RIF1: variants seen among roughly 807,000 people sequenced by gnomAD.
RIF1 encodes replication timing regulatory factor 1, also known as telomere-associated protein RIF1.
Under a neutral mutation model 247.1 loss-of-function variants are expected in RIF1, and 45 were observed. The ratio of observed to expected loss-of-function variants is 0.18; its 90% CI spans 0.14 to 0.23. The LOEUF (loss-of-function observed/expected upper bound fraction) is 0.23. Ranked by LOEUF, RIF1 falls within the 10% of genes least tolerant of loss-of-function variation. The pLI, the probability that RIF1 is intolerant of heterozygous loss-of-function variation, is 1.00. For missense variants in RIF1, 2,967 were observed against 2,862.5 expected (o/e 1.04, Z -0.83); for synonymous variants, 1,087 against 978.8 (o/e 1.11, Z -2.06).
At position 151,459,997 on chromosome 2, in the gene RIF1, C is replaced by T; in HGVS notation, c.2956-3C>T. 19 of 1,522,358 alleles carry T rather than the reference C, an allele frequency of 1.2e-5. No homozygotes were observed. The highest frequency in any genetic ancestry group is 1.7e-5 in the Non-Finnish European group (19 of 1,130,898). The allele number at this position is 1,522,358 out of a possible 1,614,324, so 94.3% of individuals were successfully genotyped here. On this transcript the variant is annotated splice_region_variant and splice_polypyrimidine_tract_variant and intron_variant, in intron 25 of 35. Coordinates refer to ENST00000444746, the MANE Select transcript of RIF1 (RefSeq NM_018151.5). ...TGAAATTGTTTCATTTTTAATAAAACAGACAGAAAATTCACAACTAAATGT... is the reference window on the plus strand; with the variant it reads ...TGAAATTGTTTCATTTTTAATAAAATAGACAGAAAATTCACAACTAAATGT...
downstream of RIF1, among the ~76,000 whole-genome samples, chr2:151,484,499 GAC>G (rs2049381908): frequency 6.6e-6 from 1 of 152,236 alleles, no homozygotes. Flanking sequence ...AGGAGGCTGA[GAC>G]ACAAGAATCA....
intron 9 of RIF1, among the ~76,000 whole-genome samples, chr2:151,494,590 C>G (rs1574823164): frequency 6.6e-6 from 1 of 152,152 alleles, no homozygotes; most frequent in Non-Finnish European, 1.5e-5. Flanking sequence ...GAGCTTCAAT[C>G]ACACTGAGAA....
In RIF1 at chr2:151,464,400, C is replaced by G; in HGVS notation, c.4880C>G (p.Thr1627Ser). Residue 1627 changes from threonine to serine, a missense_variant, in exon 30 of 36, where the codon ACT becomes AGT. This residue lies in a region of RIF1 where 2,028 missense variants were observed against 1,825.6 expected (regional missense o/e 1.11). Transcript: ENST00000444746. The stretch of plus-strand genomic sequence containing the variant: ...TGCGAAAAACAAGATGAAAGTAATA[C>G]TGTAATATGTCAGGATTCTACAGTA... ...PICEKQDESN[T>S]VICQDSTVTS... 3 of 1,612,990 alleles carry G rather than the reference C, an allele frequency of 1.9e-6. No individual in the cohort carries two copies. Among genetic ancestry groups the G allele is most frequent in the Non-Finnish European group, 2.5e-6 (3 of 1,179,698 alleles).
chr2:151,504,492 A>G (rs1037183437), intron 12 of RIF1, among the ~76,000 whole-genome samples: 4 of 152,212 alleles, frequency 2.6e-5, no homozygotes, highest in African/African-American at 9.6e-5. Flanking sequence ...AATTTGTACC[A>G]CAAGGAAATC....
intron 8 of RIF1, among the ~76,000 whole-genome samples, chr2:151,427,867 G>A (rs1304611739): frequency 6.6e-6 from 1 of 152,056 alleles, no homozygotes; most frequent in African/African-American, 2.4e-5. Context: ...GACCAGCCTG[G>A]CCAACATGGT....
chr2:151,456,236 C>T (rs926594347), intron 22 of RIF1, among the ~76,000 whole-genome samples: 2 of 152,088 alleles, frequency 1.3e-5, no homozygotes, highest in African/African-American at 4.8e-5. Flanking sequence ...TTATAAAGTA[C>T]GATACAACCT....
At chr2:151,501,682 A>T (rs2064682448) in intron 11 of RIF1, among the ~76,000 whole-genome samples, 1 of 152,250 alleles carries the variant, frequency 6.6e-6, no homozygotes, top group Admixed American at 6.5e-5. Flanking sequence ...TCTAAAAGAC[A>T]TCAGTAAAAC....
intron 19 of RIF1, among the ~76,000 whole-genome samples, chr2:151,446,113 TCTC>T (rs1394623990): frequency 1.3e-5 from 2 of 151,918 alleles, no homozygotes; most frequent in Admixed American, 6.6e-5. Flanking sequence ...TTCAAGCAAT[TCTC>T]CTACCTCAGC....
Position 151,478,965 on chromosome 2 carries a change from A to G in RIF1, c.*3894A>G, listed in dbSNP as rs976426272. ...CCATTAGAAAGACCTTGTACTTTGTATAGAAACATTAGAGTGAGGTTTTGA... is the reference window on the plus strand; with the variant it reads ...CCATTAGAAAGACCTTGTACTTTGTGTAGAAACATTAGAGTGAGGTTTTGA... On this transcript the variant is annotated 3_prime_UTR_variant, in exon 36 of 36. Transcript: ENST00000444746. 6.6e-6 allele frequency: 1 copy of G among 152,210 alleles called. No homozygotes were observed. The highest frequency in any genetic ancestry group is 1.5e-5 in the Non-Finnish European group (1 of 68,048). 9.4% of individuals were successfully genotyped at this position (152,210 alleles called of 1,614,324 possible). A position where few individuals can be genotyped will look rare whatever the true frequency, so the allele number is the denominator to read the frequency against.
chr2:151,492,901 A>C, intron 9 of RIF1: 1 of 180,232 alleles, frequency 5.5e-6, no homozygotes, highest in Non-Finnish European at 1.2e-5. Flanking sequence ...TCATAAACCA[A>C]TATGCTAATA....
At chr2:151,473,292 C>CTTTT in intron 34 of RIF1, among the ~76,000 whole-genome samples, 1 of 125,956 alleles carries the variant, frequency 7.9e-6, no homozygotes, top group Non-Finnish European at 1.7e-5. Context: ...AAATTGTATC[C>CTTTT]TTTTTTTTTT....
chr2:151,443,424 A>G, intron 17 of RIF1, 95 bp downstream of exon 17: 1 of 1,351,690 alleles, frequency 7.4e-7, no homozygotes, highest in Non-Finnish European at 1.0e-6. Context: ...AGTTTTTTTA[A>G]AAAAAATTCG....
At chr2:151,444,253 G>T (rs1692846918) in intron 18 of RIF1, among the ~76,000 whole-genome samples, 1 of 152,174 alleles carries the variant, frequency 6.6e-6, no homozygotes, top group African/African-American at 2.4e-5. Flanking sequence ...ATGGGAATAT[G>T]CATTCTCTGG....
At chr2:151,461,108 G>T in intron 26 of RIF1, 30 bp from the exon 27 acceptor site, 1 of 1,591,240 alleles carries the variant, frequency 6.3e-7, no homozygotes, top group Non-Finnish European at 8.6e-7. Flanking sequence ...AAGCTAAAAT[G>T]TACATTTGCT....
At chr2:151,489,556 C>G (rs538514382) in intron 9 of RIF1, among the ~76,000 whole-genome samples, 1 of 152,158 alleles carries the variant, frequency 6.6e-6, no homozygotes, top group East Asian at 1.9e-4. Context: ...ACCACCACAC[C>G]TGGCTAATTT....
chr2:151,518,960 C>T, the RIF1 span: 1 of 1,598,496 alleles, frequency 6.3e-7, no homozygotes, highest in South Asian at 1.1e-5. Context: ...AATGACTGAG[C>T]TTACAGAACT....
chr2:151,519,106 T>C, the RIF1 span: 5 of 1,319,978 alleles, frequency 3.8e-6, no homozygotes, highest in East Asian at 2.3e-5. Flanking sequence ...ATCACGTAAA[T>C]AGGAAATGGA....
At chr2:151,448,244 G>A (rs2432943) in intron 20 of RIF1, among the ~76,000 whole-genome samples, 52,180 of 151,366 alleles carry the variant, frequency 0.34, 9,000 homozygotes, top group African/African-American at 0.37. Context: ...GGGTTTCACC[G>A]TGTTGGCCAG....
Position 151,438,695 on chromosome 2 carries a change from A to C in RIF1, c.1495A>C (p.Ser499Arg). Residue 499 changes from serine (S) to arginine (R), a missense_variant, in exon 14 of 36, where the codon AGT becomes CGT. Physicochemically the swap from Ser to Arg is moderately radical, Grantham distance 110 (BLOSUM62 -1). This residue lies in a region of RIF1 where 369 missense variants were observed against 322.0 expected (regional missense o/e 1.15). Coordinates refer to ENST00000444746, the MANE Select transcript of RIF1 (RefSeq NM_018151.5). The part of the protein sequence containing the change: ...VGKDAPDVVV[S>R]AIWKELISLV... Reference sequence around the variant, plus strand: ...ATTTTGTTTGACAGATGTGGTTGTCAGTGCTATCTGGAAGGAGCTAATTAG... The same window carrying C: ...ATTTTGTTTGACAGATGTGGTTGTCCGTGCTATCTGGAAGGAGCTAATTAG... The C allele has an allele frequency of 6.2e-7, 1 of 1,611,870 alleles. No individual in the cohort carries two copies. Among genetic ancestry groups the C allele is most frequent in the Non-Finnish European group, 8.5e-7 (1 of 1,177,980 alleles).
Sources: allele counts gnomAD v4.1 joint callset (sites outside exome capture counted in the v4.1 genomes callset), GRCh38; gene constraint gnomAD v4.1.1; regional missense constraint gnomAD v4.1.1; transcripts MANE v1.5; gene names NCBI Gene and HGNC (gene_info 2026-07-23, HGNC 2026-07-21).